Variants in MMEL1 observed in about 807,000 individuals in gnomAD.
MMEL1 encodes the protein membrane metalloendopeptidase like 1.
In MMEL1, 98 loss-of-function variants were observed where a neutral mutation model predicts 117.1. The ratio of observed to expected loss-of-function variants is 0.84; its 90% CI spans 0.71 to 0.99. The LOEUF is 0.99. Ranked by LOEUF, MMEL1 falls within the 50% of genes least tolerant of loss-of-function variation. The pLI is 0.00. For synonymous variants in MMEL1, 390 were observed against 415.1 expected (o/e 0.94, Z 0.74); for missense variants, 1,014 against 1,049.1 (o/e 0.97, Z 0.46).
chr1:2,608,093 A>G (rs10910108), intron 6 of MMEL1, among the ~76,000 whole-genome samples: 68,348 of 151,968 alleles, frequency 0.45, 16,838 homozygotes, highest in African/African-American at 0.65. Context: ...TCCAGCTGGG[A>G]GTATTGCCCA....
intron 11 of MMEL1, among the ~76,000 whole-genome samples, chr1:2,602,590 C>T (rs766569414): frequency 5.9e-5 from 9 of 152,214 alleles, no homozygotes; most frequent in South Asian, 2.1e-4. Flanking sequence ...CCACCTGCCC[C>T]GTCCCCTTCA....
chr1:2,594,836 C>T lies in MMEL1; in HGVS notation c.1642G>A (p.Ala548Thr), dbSNP rs568619305. 69 of 1,613,996 alleles carry T rather than the reference C, an allele frequency of 4.3e-5. No individual in the cohort carries two copies. The highest frequency in any genetic ancestry group is 4.5e-5 in the East Asian group (2 of 44,884). Residue 548 changes from alanine to threonine, a missense_variant, in exon 17 of 24, where the codon GCC (alanine) becomes ACC (threonine). Physicochemically the swap from Ala to Thr is moderately conservative, Grantham distance 58. Transcript: ENST00000378412. Reference sequence around the variant, plus strand: ...CGAAGCTTCCTGAGGCTCCGCTGGGCGCCCACCTTGAGGTTCTGCAGACTG... The same window carrying T: ...CGAAGCTTCCTGAGGCTCCGCTGGGTGCCCACCTTGAGGTTCTGCAGACTG... ...ENSLQNLKVGAQRSLRKLREK... is the reference protein window; with the variant it reads ...ENSLQNLKVGTQRSLRKLREK...
intron 4 of MMEL1, among the ~76,000 whole-genome samples, chr1:2,610,116 C>T (rs1458332454): frequency 6.6e-6 from 1 of 152,222 alleles, no homozygotes; most frequent in Non-Finnish European, 1.5e-5. Context: ...TCACAGCTCA[C>T]TGCAGCCTTG....
In MMEL1 at chr1:2,596,069, CACAA is replaced by C; in HGVS notation, c.1436_1439del (p.Phe479TrpfsTer23). On this transcript the variant is annotated frameshift_variant, in exon 15 of 24. Transcript: ENST00000378412. LOFTEE classifies it high-confidence loss of function. ...TCCAGCCCAGCTCGTCCAGCGTCTC[CACAA>C]ACACTGTCCGCACCTTGTCAATGAG... 1 of 1,614,058 alleles carries C rather than the reference CACAA, an allele frequency of 6.2e-7. No individual in the cohort carries two copies. Among genetic ancestry groups the C allele is most frequent in the Non-Finnish European group, 8.5e-7 (1 of 1,179,964 alleles).
chr1:2,632,185 G>T (rs1050155147), intron 1 of MMEL1, among the ~76,000 whole-genome samples: 1 of 139,898 alleles, frequency 7.1e-6, no homozygotes, highest in Non-Finnish European at 1.5e-5. Flanking sequence ...GGTTCAACTC[G>T]GGGAGCCCCA....
rs903371920 is a variant in MMEL1 at position 2,601,903 on chromosome 1, G to A, written c.1041+1981C>T. Reference sequence around the variant, plus strand: ...AGAACGGACACCACCCAGCACGGGCGAGGGTGTGGCACCAGCCGCTGTTGG... The same window carrying A: ...AGAACGGACACCACCCAGCACGGGCAAGGGTGTGGCACCAGCCGCTGTTGG... On this transcript the variant is annotated intron_variant, in intron 11 of 23. Transcript: ENST00000378412. Among the ~76,000 whole-genome samples the A allele has an allele frequency of 5.3e-5, 8 of 152,352 alleles. No homozygotes were observed. The East Asian group carries it at 1.2e-3, about 22-fold the overall frequency.
chr1:2,631,014 T>C (rs981201954), intron 1 of MMEL1, among the ~76,000 whole-genome samples: 2 of 151,710 alleles, frequency 1.3e-5, no homozygotes, highest in African/African-American at 2.4e-5. Context: ...TGTGCGCTCA[T>C]GTGCATGTGC....
rs527389310 is a variant in MMEL1 at position 2,595,904 on chromosome 1, C to T, written c.1500+105G>A. On this transcript the variant is annotated intron_variant, in intron 15 of 23. Coordinates refer to ENST00000378412, the MANE Select transcript of MMEL1 (RefSeq NM_033467.4). This position sits in a 1 kb window ranked among gnomAD's most constrained non-coding sequence, Gnocchi z 4.8. ...CCCGTGGGGTCCTGTCTGCGCCTCC[C>T]GGGGCTGCCTTCTCCCCGTGGGGAC... 1.0e-3 allele frequency: 952 copies of T among 916,836 alleles called. 10 individuals carry two copies. In the African/African-American group the frequency reaches 0.015, roughly 15 times the overall value. 56.8% of individuals were successfully genotyped at this position (916,836 alleles called of 1,614,324 possible).
At position 2,596,578 on chromosome 1, in the gene MMEL1, C is replaced by T. The variant is rs1644844088; in HGVS notation, c.1384G>A (p.Gly462Arg). 1 of 1,611,376 alleles carries T rather than the reference C, an allele frequency of 6.2e-7. No homozygotes were observed. The highest frequency in any genetic ancestry group is 1.3e-5 in the African/African-American group (1 of 74,898). The part of the protein sequence containing the change: ...GSLYVREAFP[G>R]DSKSMVRELI... ...GCGCCCACCATGCTCTTGCTGTCTC[C>T]AGGGAACGCCTCCCTGACGTAGAGG... Residue 462 changes from glycine to arginine, a missense_variant, in exon 14 of 24, where the codon GGA (glycine) becomes AGA (arginine). Gly to Arg is a moderately radical substitution (Grantham distance 125). Coordinates refer to ENST00000378412, the MANE Select transcript of MMEL1 (RefSeq NM_033467.4).
At chr1:2,593,702 G>A (rs903860302) in intron 19 of MMEL1, 112 bp downstream of exon 19, 13 of 1,387,624 alleles carry the variant, frequency 9.4e-6, no homozygotes, top group African/African-American at 5.9e-5. Flanking sequence ...ACCTGGCCTC[G>A]GTGTCCCCAC....
chr1:2,608,015 C>T (rs1037956172), intron 6 of MMEL1, among the ~76,000 whole-genome samples: 1 of 152,126 alleles, frequency 6.6e-6, no homozygotes, highest in African/African-American at 2.4e-5. Context: ...ATGGTCTGGC[C>T]CCTGCCGTTT....
intron 18 of MMEL1, 33 bp from the exon 19 acceptor site, chr1:2,593,966 T>A: frequency 6.4e-7 from 1 of 1,563,750 alleles, no homozygotes; most frequent in Non-Finnish European, 8.7e-7. Flanking sequence ...GAATAAGCTG[T>A]GAGTGGACAC....
At chr1:2,600,607 G>A (rs115525071) in intron 11 of MMEL1, among the ~76,000 whole-genome samples, 3,078 of 152,134 alleles carry the variant, frequency 0.02, 102 homozygotes, top group African/African-American at 0.07. Flanking sequence ...GGAGGCTTGA[G>A]CCCAAGAGGT....
At chr1:2,617,336 A>G (rs906644770) in intron 2 of MMEL1, among the ~76,000 whole-genome samples, 194 of 149,386 alleles carry the variant, frequency 1.3e-3, no homozygotes, top group African/African-American at 4.3e-3. Flanking sequence ...CTGAGGCAGG[A>G]GAATGGCGTG....
chr1:2,631,646 C>T (rs1638592275), intron 1 of MMEL1, among the ~76,000 whole-genome samples: 1 of 152,118 alleles, frequency 6.6e-6, no homozygotes, highest in Non-Finnish European at 1.5e-5. Flanking sequence ...GTCCCTGGCT[C>T]TGTGAACCGC....
chr1:2,632,933 A>T lies in MMEL1; in HGVS notation c.-105T>A. 2.0e-6 allele frequency: 2 copies of T among 985,580 alleles called. No individual in the cohort carries two copies. Among genetic ancestry groups the T allele is most frequent in the Middle Eastern group, 5.2e-4 (1 of 1,912 alleles). The allele number at this position is 985,580 out of a possible 1,614,324, so 61.1% of individuals were successfully genotyped here. A position where few individuals can be genotyped will look rare whatever the true frequency, so the allele number is the denominator to read the frequency against. On this transcript the variant is annotated 5_prime_UTR_variant, in exon 1 of 24. Transcript: ENST00000378412. Reference sequence around the variant, plus strand: ...TGGAGACTGGGTCCCAGTGGGTTGGAGTTGGGGTGAGCTGGGCCAAGTGGG... The same window carrying T: ...TGGAGACTGGGTCCCAGTGGGTTGGTGTTGGGGTGAGCTGGGCCAAGTGGG...
At position 2,595,962 on chromosome 1, in the gene MMEL1, G is replaced by T. The variant is rs370742972; in HGVS notation, c.1500+47C>A. Reference sequence around the variant, plus strand: ...AGGCTTTGTCGGGGCGGTGCTGCCCGTGCCCAGATCCAGTCGGGGCTGCCC... The same window carrying T: ...AGGCTTTGTCGGGGCGGTGCTGCCCTTGCCCAGATCCAGTCGGGGCTGCCC... On this transcript the variant is annotated intron_variant, in intron 15 of 23. Coordinates refer to ENST00000378412, the MANE Select transcript of MMEL1 (RefSeq NM_033467.4). The surrounding 1 kb of genome is among the most constrained non-coding windows in gnomAD (Gnocchi z 4.8). 9.9e-6 allele frequency: 15 copies of T among 1,522,836 alleles called. No homozygotes were observed. In the South Asian group the frequency reaches 1.6e-4, roughly 16 times the overall value. 94.3% of individuals were successfully genotyped at this position (1,522,836 alleles called of 1,614,324 possible).
intron 2 of MMEL1, among the ~76,000 whole-genome samples, chr1:2,621,757 T>G (rs548590671): frequency 6.6e-6 from 1 of 152,260 alleles, no homozygotes; most frequent in Admixed American, 6.5e-5. Context: ...GAGATGGGGT[T>G]TCTCACATTG....
chr1:2,595,979 G>A lies in MMEL1; in HGVS notation c.1500+30C>T. 1 of 1,594,982 alleles carries A rather than the reference G, an allele frequency of 6.3e-7. No individual in the cohort carries two copies. Among genetic ancestry groups the A allele is most frequent in the Admixed American group, 1.7e-5 (1 of 59,922 alleles). On this transcript the variant is annotated intron_variant, in intron 15 of 23. Transcript: ENST00000378412. This position sits in a 1 kb window ranked among gnomAD's most constrained non-coding sequence, Gnocchi z 4.8. ...TGCTGCCCGTGCCCAGATCCAGTCG[G>A]GGCTGCCCTGACCTCTGCGAGCCAC...
Sources: gnomAD v4.1 joint callset for allele counts (sites outside exome capture counted in the v4.1 genomes callset) on GRCh38, gnomAD v4.1.1 for gene constraint, Gnocchi (gnomAD v3.1) non-coding constraint, MANE v1.5 for transcripts, NCBI Gene and HGNC (gene_info 2026-07-23, HGNC 2026-07-21) for gene names.